CHRM3: variants seen among roughly 807,000 people sequenced by gnomAD.
CHRM3 encodes the protein muscarinic acetylcholine receptor M3.
CHRM3 carries 11 observed loss-of-function variants against 41.8 expected under a neutral mutation model. The observed-to-expected ratio is 0.26, with a 90% CI of 0.17 to 0.44. The LOEUF (loss-of-function observed/expected upper bound fraction) is 0.44, where lower values mean the gene tolerates loss of function less well. Ranked by LOEUF, CHRM3 falls within the 20% of genes least tolerant of loss-of-function variation. The pLI is 1.00. For synonymous variants in CHRM3, 297 were observed against 301.4 expected (o/e 0.99, Z 0.15); for missense variants, 571 against 745.4 (o/e 0.77, Z 2.72).
At chr1:239,850,367 G>T (rs1674600759) in intron 6 of CHRM3, among the ~76,000 whole-genome samples, 1 of 152,158 alleles carries the variant, frequency 6.6e-6, no homozygotes, top group South Asian at 2.1e-4. Context: ...GGCTGATCCT[G>T]CTGTCTCAGG....
At chr1:239,397,379 A>G (rs1488107664) in intron 1 of CHRM3, among the ~76,000 whole-genome samples, 1 of 152,236 alleles carries the variant, frequency 6.6e-6, no homozygotes, top group African/African-American at 2.4e-5. Context: ...ATAAAAATAT[A>G]GAAAATGTTG....
intron 5 of CHRM3, among the ~76,000 whole-genome samples, chr1:239,819,919 A>G (rs932353304): frequency 3.3e-5 from 5 of 152,140 alleles, no homozygotes; most frequent in African/African-American, 1.2e-4. Context: ...TTCCCTGACC[A>G]TGATTTCTAG....
At chr1:239,569,264 T>G (rs1378008660) in intron 3 of CHRM3, among the ~76,000 whole-genome samples, 1 of 152,164 alleles carries the variant, frequency 6.6e-6, no homozygotes, top group Non-Finnish European at 1.5e-5. Context: ...TTTTTAAAAA[T>G]GGTAAATGGT....
chr1:239,738,141 C>G (rs1264540329), intron 5 of CHRM3, among the ~76,000 whole-genome samples: 1 of 152,210 alleles, frequency 6.6e-6, no homozygotes, highest in Non-Finnish European at 1.5e-5. Context: ...AATTCCTCCA[C>G]TATGGCAGGT....
intron 5 of CHRM3, among the ~76,000 whole-genome samples, chr1:239,700,479 C>G (rs1353003836): frequency 6.6e-6 from 1 of 152,150 alleles, no homozygotes; most frequent in Admixed American, 6.5e-5. Flanking sequence ...TGGTACTGCC[C>G]TCTGACAGGA....
chr1:239,804,847 T>C (rs2148941707), intron 5 of CHRM3, among the ~76,000 whole-genome samples: 1 of 152,318 alleles, frequency 6.6e-6, no homozygotes, highest in African/African-American at 2.4e-5. Context: ...CCTTAATCTG[T>C]CTCTGTCCGG....
chr1:239,795,927 G>A (rs1669730029), intron 5 of CHRM3, among the ~76,000 whole-genome samples: 1 of 152,180 alleles, frequency 6.6e-6, no homozygotes, highest in South Asian at 2.1e-4. Flanking sequence ...ACAAGGATAA[G>A]GGTGTAAGGG....
chr1:239,883,553 T>C (rs1292783760), intron 6 of CHRM3, among the ~76,000 whole-genome samples: 1 of 152,226 alleles, frequency 6.6e-6, no homozygotes, highest in African/African-American at 2.4e-5. Context: ...TATTTGATCC[T>C]CCCTACAACC....
chr1:239,805,509 T>C (rs988477720), intron 5 of CHRM3, among the ~76,000 whole-genome samples: 1 of 152,082 alleles, frequency 6.6e-6, no homozygotes, highest in Non-Finnish European at 1.5e-5. Context: ...GAGGGGACAA[T>C]AGAAGTAGCT....
intron 1 of CHRM3, among the ~76,000 whole-genome samples, chr1:239,474,466 G>A (rs1056653151): frequency 1.3e-5 from 2 of 149,360 alleles, no homozygotes; most frequent in Non-Finnish European, 3.0e-5. Context: ...GTGTAGATGC[G>A]GGTATATGTG....
At chr1:239,586,474 A>C (rs1020076627) in intron 3 of CHRM3, among the ~76,000 whole-genome samples, 10 of 152,164 alleles carry the variant, frequency 6.6e-5, no homozygotes, top group Non-Finnish European at 1.2e-4. Flanking sequence ...ACACAGACAA[A>C]AATAAAATTT....
Position 239,802,438 on chromosome 1 carries a change from A to G in CHRM3, c.-146-24814A>G, listed in dbSNP as rs116656011. ...TCAGAGTAAGGCTGTTCAAAACACC[A>G]CTACCCCTGTGAGTGCTTTGCGAAT... On this transcript the variant is annotated intron_variant, in intron 5 of 6. Transcript: ENST00000676153. 7.8e-3 allele frequency among the ~76,000 whole-genome samples: 1,180 copies of G among 152,254 alleles called. 20 individuals carry two copies. Among genetic ancestry groups the G allele is most frequent in the African/African-American group, 0.027 (1,142 of 41,560 alleles).
chr1:239,772,244 G>A (rs1160730116), intron 5 of CHRM3, among the ~76,000 whole-genome samples: 4 of 151,996 alleles, frequency 2.6e-5, no homozygotes, highest in South Asian at 2.1e-4. Flanking sequence ...TCTGCCTCCC[G>A]GGTTCAAGCG....
chr1:239,407,417 T>TATATATATATAGAGAGAGAGAG, intron 1 of CHRM3, among the ~76,000 whole-genome samples: 1 of 134,124 alleles, frequency 7.5e-6, no homozygotes, highest in Non-Finnish European at 1.7e-5. Flanking sequence ...TATATATATA[T>TATATATATATAGAGAGAGAGAG]AGAGAGAGAG....
chr1:239,904,598 G>C (rs1317690883), intron 6 of CHRM3, among the ~76,000 whole-genome samples: 3 of 152,212 alleles, frequency 2.0e-5, no homozygotes, highest in South Asian at 4.1e-4. Flanking sequence ...GCTACAAACA[G>C]TGTGTAACAC....
Position 239,866,045 on chromosome 1 carries a change from A to G in CHRM3, c.-20+38667A>G, listed in dbSNP as rs571531606. Among the ~76,000 whole-genome samples the G allele has an allele frequency of 1.2e-4, 18 of 152,106 alleles. No homozygotes were observed. In the East Asian group the frequency reaches 3.3e-3, roughly 28 times the overall value. On this transcript the variant is annotated intron_variant, in intron 6 of 6. Coordinates refer to ENST00000676153, the MANE Select transcript of CHRM3 (RefSeq NM_001375978.1). Reference sequence around the variant, plus strand: ...GATGGGGGCTTTTACTATTGTCCCTATTTTACGGATGGGAAAACGCGAGGC... The same window carrying G: ...GATGGGGGCTTTTACTATTGTCCCTGTTTTACGGATGGGAAAACGCGAGGC...
intron 3 of CHRM3, among the ~76,000 whole-genome samples, chr1:239,613,845 G>T (rs1376226724): frequency 6.6e-6 from 1 of 151,994 alleles, no homozygotes; most frequent in Non-Finnish European, 1.5e-5. Context: ...GAGATGTAAA[G>T]TACTGACAGC....
At chr1:239,567,617 T>C (rs944864612) in intron 3 of CHRM3, among the ~76,000 whole-genome samples, 6 of 152,126 alleles carry the variant, frequency 3.9e-5, no homozygotes, top group Non-Finnish European at 7.4e-5. Flanking sequence ...GGGGAAAGGA[T>C]TGGTCTGAAA....
chr1:239,859,192 C>T (rs770019982), intron 6 of CHRM3, among the ~76,000 whole-genome samples: 25 of 152,166 alleles, frequency 1.6e-4, no homozygotes, highest in Non-Finnish European at 2.9e-4. Flanking sequence ...ATGGCTGTAA[C>T]ATTTTACATT....
Sources: gnomAD v4.1 joint callset for allele counts (sites outside exome capture counted in the v4.1 genomes callset) on GRCh38, gnomAD v4.1.1 for gene constraint, MANE v1.5 for transcripts, NCBI Gene and HGNC (gene_info 2026-07-23, HGNC 2026-07-21) for gene names.